Variants in FCRL3 observed in about 807,000 individuals in gnomAD.
The protein encoded by FCRL3 is Fc receptor-like protein 3.
In FCRL3, 89 loss-of-function variants were observed where a neutral mutation model predicts 75.0. The ratio of observed to expected loss-of-function variants is 1.19; its 90% CI spans 1.00 to 1.42. The LOEUF (loss-of-function observed/expected upper bound fraction) is 1.42, where lower values mean the gene tolerates loss of function less well. FCRL3 is among the 40% of genes most tolerant of loss of function. FCRL3 has a pLI of 0.00. For synonymous variants in FCRL3, 376 were observed against 348.5 expected (o/e 1.08, Z -0.88); for missense variants, 946 against 880.0 (o/e 1.07, Z -0.95).
In FCRL3 at chr1:157,678,923, G is replaced by A. The variant is rs1039984770; in HGVS notation, c.2058+19C>T. The A allele has an allele frequency of 6.2e-7, 1 of 1,613,932 alleles. No individual in the cohort carries two copies. The highest frequency in any genetic ancestry group is 8.5e-7 in the Non-Finnish European group (1 of 1,179,824). ...AGAGGAAGGCCAGAGAGGAAAGAAA[G>A]CCAAGAAATGTGACTCACCTCATGC... On this transcript the variant is annotated intron_variant, in intron 14 of 14. Coordinates refer to ENST00000368184, the MANE Select transcript of FCRL3 (RefSeq NM_052939.4).
At chr1:157,699,988 C>T (rs1656212334) in intron 2 of FCRL3, among the ~76,000 whole-genome samples, 1 of 152,214 alleles carries the variant, frequency 6.6e-6, no homozygotes, top group African/African-American at 2.4e-5. Context: ...CAAGGACTTA[C>T]AGAAATGGTT....
At chr1:157,681,997 T>G (rs1399752421) in intron 11 of FCRL3, among the ~76,000 whole-genome samples, 3 of 151,908 alleles carry the variant, frequency 2.0e-5, no homozygotes, top group Non-Finnish European at 4.4e-5. Context: ...TGGCCAGTGA[T>G]GATGAGCATT....
At chr1:157,697,589 T>C in intron 5 of FCRL3, 70 bp downstream of exon 5, 4 of 1,529,542 alleles carry the variant, frequency 2.6e-6, no homozygotes, top group Non-Finnish European at 3.5e-6. Flanking sequence ...AAATTCCCAC[T>C]GATAAACATC....
In FCRL3 at chr1:157,695,604, G is replaced by A. The variant is rs112099510; in HGVS notation, c.1136C>T (p.Pro379Leu). Residue 379 changes from proline to leucine, a missense_variant, in exon 8 of 15, where the codon CCG becomes CTG. Physicochemically the swap from Pro to Leu is moderately conservative, Grantham distance 98 (BLOSUM62 -3). Coordinates refer to ENST00000368184, the MANE Select transcript of FCRL3 (RefSeq NM_052939.4). ...GAAGGTGAGGACAGGGTGAGATACC[G>A]GAACTGAAGGAGACAAAAGGGCTGT... ...STWIRVTVRI[P>L]VSHPVLTFRA... 4.5e-5 allele frequency: 72 copies of A among 1,597,736 alleles called. No individual in the cohort carries two copies. Among genetic ancestry groups the A allele is most frequent in the African/African-American group, 1.9e-4 (14 of 74,400 alleles).
Position 157,678,962 on chromosome 1 carries a change from T to G in FCRL3, c.2038A>C (p.Met680Leu). ...HTKENSANCPMMHQEHEELTV... is the reference protein window; with the variant it reads ...HTKENSANCPLMHQEHEELTV... ...CTCACCTCATGCTCTTGATGCATCA[T>G]TGGACAATTAGCTGTTGGGTAGGAG... The change falls in exon 14 of 15, where the codon ATG becomes CTG. Residue 680 changes from methionine (M) to leucine (L), a missense_variant. By Grantham distance (15) the Met-to-Leu change is conservative. Coordinates refer to ENST00000368184, the MANE Select transcript of FCRL3 (RefSeq NM_052939.4). 7 of 1,614,154 alleles carry G rather than the reference T, an allele frequency of 4.3e-6. No homozygotes were observed. Among genetic ancestry groups the G allele is most frequent in the Non-Finnish European group, 5.9e-6 (7 of 1,180,012 alleles).
chr1:157,697,944 C>G, intron 4 of FCRL3, 25 bp from the exon 5 acceptor site: 1 of 1,608,272 alleles, frequency 6.2e-7, no homozygotes, highest in Middle Eastern at 1.7e-4. Flanking sequence ...GGAGCACACT[C>G]AGGTTATCCC....
intron 10 of FCRL3, among the ~76,000 whole-genome samples, chr1:157,686,487 C>A (rs12735945): frequency 0.19 from 29,353 of 151,990 alleles, 2,982 homozygotes; most frequent in East Asian, 0.24. Context: ...CCAAAGCATT[C>A]CTAAGCAAAG....
chr1:157,696,232 CCTGGGCTA>C lies in FCRL3; in HGVS notation c.932_939del (p.Val311GlyfsTer20). On this transcript the variant is annotated frameshift_variant, in exon 7 of 15. Transcript: ENST00000368184. LOFTEE classifies it high-confidence loss of function. ...CAGGAGAATGTGACAGTCCCTGAAC[CCTGGGCTA>C]CTGAGCAAATAAGGACCATATTTTC... The C allele has an allele frequency of 6.2e-7, 1 of 1,613,956 alleles. No homozygotes were observed. Among genetic ancestry groups the C allele is most frequent in the Non-Finnish European group, 8.5e-7 (1 of 1,180,002 alleles).
At position 157,689,833 on chromosome 1, in the gene FCRL3, G is replaced by A. The variant is rs747571437; in HGVS notation, c.1775C>T (p.Ala592Val). The A allele has an allele frequency of 3.7e-6, 6 of 1,611,602 alleles. No homozygotes were observed. The highest frequency in any genetic ancestry group is 2.7e-5 in the African/African-American group (2 of 74,848). The change falls in exon 10 of 15, where the codon GCT becomes GTT. Residue 592 changes from alanine to valine, a missense_variant. Coordinates refer to ENST00000368184, the MANE Select transcript of FCRL3 (RefSeq NM_052939.4). ...TCGGGCCCTGGCGTAATGCAGCAGA[G>A]CAGCAGCAGCAGCAAGGACGAGGAT... ...LSILVLAAAAALLHYARARRK... is the reference protein window; with the variant it reads ...LSILVLAAAAVLLHYARARRK...
rs1292573879 is a variant in FCRL3, at chr1:157,695,462, G to A, written c.1278C>T (p.Asn426=). 6.2e-7 allele frequency: 1 copy of A among 1,614,080 alleles called. No individual in the cohort carries two copies. The highest frequency in any genetic ancestry group is 1.3e-5 in the African/African-American group (1 of 74,918). ...RFYHEDVTLG[N]SSAPSGGGAS... is the part of the protein sequence containing the mutation. ...CTCCTCCTCCAGAGGGGGCTGAGCT[G>A]TTCCCCAGGGTGACATCCTCATGAT... The change falls in exon 8 of 15, where the codon AAC becomes AAT. Residue 426 remains asparagine (N), a synonymous_variant. Coordinates refer to ENST00000368184, the MANE Select transcript of FCRL3 (RefSeq NM_052939.4).
At position 157,700,161 on chromosome 1, in the gene FCRL3, T is replaced by C. The variant is rs139650904; in HGVS notation, c.31+298A>G. 2.5e-4 allele frequency among the ~76,000 whole-genome samples: 38 copies of C among 152,282 alleles called. No homozygotes were observed. In the East Asian group the frequency reaches 5.4e-3, roughly 22 times the overall value. ...ACTGCTCATCTGAAAAATTATTTAG[T>C]CTGAGGCTTAAGAGGGAGGGTGGGA... is the stretch of plus-strand genomic sequence containing the variant. On this transcript the variant is annotated intron_variant, in intron 2 of 14. Coordinates refer to ENST00000368184, the MANE Select transcript of FCRL3 (RefSeq NM_052939.4).
chr1:157,693,274 C>CAAAAA (rs375572340), intron 8 of FCRL3, among the ~76,000 whole-genome samples: 2 of 54,760 alleles, frequency 3.7e-5, no homozygotes, highest in South Asian at 7.4e-4. Flanking sequence ...GACTCCATCT[C>CAAAAA]AAAAAAAAAA....
intron 8 of FCRL3, 127 bp downstream of exon 8, chr1:157,695,202 C>T: frequency 1.1e-6 from 1 of 945,872 alleles, no homozygotes; most frequent in African/African-American, 1.6e-5. Flanking sequence ...CCAGAACTCC[C>T]AGGTGGAGTC....
chr1:157,700,372 T>C (rs971816367), intron 2 of FCRL3, 87 bp downstream of exon 2: 15 of 1,593,946 alleles, frequency 9.4e-6, no homozygotes, highest in Admixed American at 1.7e-5. Flanking sequence ...GAACCCCAAG[T>C]AGAAGCAGAG....
chr1:157,699,583 G>A (rs1191985235), intron 3 of FCRL3, 109 bp downstream of exon 3: 7 of 1,137,728 alleles, frequency 6.2e-6, no homozygotes, highest in East Asian at 2.4e-5. Context: ...TGACCCCAGA[G>A]CATTAGCATT....
intron 10 of FCRL3, among the ~76,000 whole-genome samples, chr1:157,689,171 A>G (rs1240689486): frequency 1.3e-5 from 2 of 152,220 alleles, no homozygotes; most frequent in African/African-American, 2.4e-5. Context: ...GCAATTAAGC[A>G]AGAACAAGAA....
chr1:157,683,143 A>G, intron 11 of FCRL3, 74 bp downstream of exon 11: 4 of 1,535,214 alleles, frequency 2.6e-6, no homozygotes, highest in South Asian at 2.4e-5. Context: ...GAAATTTAAA[A>G]AAAAACATAA....
upstream of FCRL3, chr1:157,700,905 G>A (rs951263219): frequency 1.2e-5 from 3 of 259,158 alleles, no homozygotes; most frequent in South Asian, 8.8e-5. Flanking sequence ...TCCTAATGTA[G>A]GCAAGCTTAA....
rs1469212818 is a variant in FCRL3, at chr1:157,682,383, C to T, written c.1838+834G>A. 3.3e-5 allele frequency among the ~76,000 whole-genome samples: 5 copies of T among 152,228 alleles called. No homozygotes were observed. In the East Asian group the frequency reaches 5.8e-4, roughly 18 times the overall value. The stretch of plus-strand genomic sequence containing the variant: ...AGGGTTTTTATGGTTTTAGGTCTAA[C>T]ATTTAAGTCTTTAATCCATCTTGAA... On this transcript the variant is annotated intron_variant, in intron 11 of 14. Transcript: ENST00000368184.
Sources: allele counts gnomAD v4.1 joint callset (sites outside exome capture counted in the v4.1 genomes callset), GRCh38; gene constraint gnomAD v4.1.1; transcripts MANE v1.5; gene names NCBI Gene and HGNC (gene_info 2026-07-23, HGNC 2026-07-21).